Variants in DGKB observed in about 807,000 individuals in gnomAD.
The protein encoded by DGKB is diacylglycerol kinase beta.
In DGKB, 67 loss-of-function variants were observed where a neutral mutation model predicts 114.3. The ratio of observed to expected loss-of-function variants is 0.59; its 90% CI spans 0.48 to 0.72. The LOEUF (loss-of-function observed/expected upper bound fraction) is 0.72, where lower values mean the gene tolerates loss of function less well. DGKB is among the 30% of genes least tolerant of loss of function. The probability of loss-of-function intolerance (pLI) is 0.00; values close to 1 mark genes in which losing one functional copy is unlikely to be tolerated. For synonymous variants in DGKB, 398 were observed against 323.1 expected (o/e 1.23, Z -2.49); for missense variants, 907 against 975.2 (o/e 0.93, Z 0.93).
chr7:14,191,714 G>C (rs867442689), intron 23 of DGKB: 22 of 344,872 alleles, frequency 6.4e-5, no homozygotes, highest in Non-Finnish European at 8.9e-5. Context: ...GGATGTGCAC[G>C]TCAAAGATGT....
intron 1 of DGKB, among the ~76,000 whole-genome samples, chr7:14,879,495 G>T (rs1472481085): frequency 6.6e-6 from 1 of 152,094 alleles, no homozygotes; most frequent in Non-Finnish European, 1.5e-5. Context: ...AGTAAAACTT[G>T]CTTTCTATGT....
chr7:14,658,519 G>T (rs1023151427), intron 13 of DGKB, among the ~76,000 whole-genome samples: 1 of 151,782 alleles, frequency 6.6e-6, no homozygotes, highest in Non-Finnish European at 1.5e-5. Context: ...TAGTAGAGTA[G>T]AATGACGATA....
At chr7:14,161,889 C>T (rs10281549) in intron 25 of DGKB, among the ~76,000 whole-genome samples, 7,231 of 152,020 alleles carry the variant, frequency 0.048, 443 homozygotes, top group African/African-American at 0.14. Flanking sequence ...TCTGAATATT[C>T]GAGGAAATAA....
chr7:14,157,487 T>G (rs1783193117), intron 25 of DGKB, among the ~76,000 whole-genome samples: 1 of 152,054 alleles, frequency 6.6e-6, no homozygotes, highest in Admixed American at 6.6e-5. Flanking sequence ...TGTGAAGACT[T>G]AAAATAAAAT....
At chr7:14,444,557 T>C (rs923425171) in intron 21 of DGKB, among the ~76,000 whole-genome samples, 11 of 151,866 alleles carry the variant, frequency 7.2e-5, no homozygotes, top group African/African-American at 2.7e-4. Flanking sequence ...ATCTAGAATA[T>C]TTGGATAGTA....
At chr7:14,659,442 C>T (rs1327904928) in intron 13 of DGKB, among the ~76,000 whole-genome samples, 2 of 151,460 alleles carry the variant, frequency 1.3e-5, no homozygotes, top group African/African-American at 2.4e-5. Context: ...TGAAGAGGTC[C>T]TTCACATCCC....
intron 23 of DGKB, among the ~76,000 whole-genome samples, chr7:14,246,128 A>G (rs1319815620): frequency 1.3e-5 from 2 of 152,154 alleles, no homozygotes; most frequent in African/African-American, 2.4e-5. Context: ...TGCAATGTTC[A>G]TGAAAGCTTC....
rs1333316176 is a variant in DGKB, at chr7:14,333,646, GC to G, written c.2122+4868del. 2.0e-5 allele frequency among the ~76,000 whole-genome samples: 3 copies of G among 152,092 alleles called. No homozygotes were observed. The East Asian group carries it at 5.8e-4, about 29-fold the overall frequency. On this transcript the variant is annotated intron_variant, in intron 23 of 25. Coordinates refer to ENST00000402815, the MANE Select transcript of DGKB (RefSeq NM_001350709.2). ...AATAGTATGAATGTGTTGCTTCTCAGCCATGTTGAACCATTCTGTCTCCACT... is the reference window on the plus strand; with the variant it reads ...AATAGTATGAATGTGTTGCTTCTCAGCATGTTGAACCATTCTGTCTCCACT...
At chr7:14,838,535 C>A (rs1025737097) in intron 2 of DGKB, among the ~76,000 whole-genome samples, 2 of 151,832 alleles carry the variant, frequency 1.3e-5, no homozygotes, top group Non-Finnish European at 2.9e-5. Flanking sequence ...TCTCTCTCTT[C>A]CCCTCTCTCT....
intron 13 of DGKB, among the ~76,000 whole-genome samples, chr7:14,638,692 A>T (rs182224073): frequency 6.6e-6 from 1 of 152,286 alleles, no homozygotes; most frequent in Non-Finnish European, 1.5e-5. Context: ...TTCAAGTTCA[A>T]TTCCTGCTAT....
intron 21 of DGKB, among the ~76,000 whole-genome samples, chr7:14,452,152 T>C (rs1186218878): frequency 6.6e-6 from 1 of 152,102 alleles, no homozygotes; most frequent in African/African-American, 2.4e-5. Flanking sequence ...GAAAAGAACA[T>C]GCATGACATA....
At chr7:14,176,565 T>A in intron 25 of DGKB, 1 of 1,124,818 alleles carries the variant, frequency 8.9e-7, no homozygotes, top group Non-Finnish European at 1.1e-6. Context: ...GCTCCATAGT[T>A]TATAATTGAT....
At chr7:14,309,072 C>G (rs1447159655) in intron 23 of DGKB, among the ~76,000 whole-genome samples, 1 of 152,028 alleles carries the variant, frequency 6.6e-6, no homozygotes, top group Admixed American at 6.5e-5. Context: ...AAAAATTTAG[C>G]CAGTGTCATG....
intron 23 of DGKB, among the ~76,000 whole-genome samples, chr7:14,238,303 C>T (rs1468949506): frequency 6.6e-6 from 1 of 151,900 alleles, no homozygotes; most frequent in African/African-American, 2.4e-5. Flanking sequence ...TGGCAGTTTC[C>T]CCCTTCATTC....
chr7:14,693,045 T>C (rs1823157919), intron 9 of DGKB, among the ~76,000 whole-genome samples: 2 of 152,198 alleles, frequency 1.3e-5, no homozygotes, highest in African/African-American at 4.8e-5. Flanking sequence ...GAGAAATGAC[T>C]TTTAAAAATT....
chr7:14,496,925 T>C (rs964809239), intron 20 of DGKB, among the ~76,000 whole-genome samples: 3 of 151,786 alleles, frequency 2.0e-5, no homozygotes. Context: ...TCAAGGTCTA[T>C]ATTGAAGGAG....
intron 13 of DGKB, among the ~76,000 whole-genome samples, chr7:14,659,442 C>A: frequency 6.6e-6 from 1 of 151,460 alleles, no homozygotes; most frequent in Admixed American, 6.6e-5. Flanking sequence ...TGAAGAGGTC[C>A]TTCACATCCC....
chr7:14,702,621 C>G (rs1033433445), intron 6 of DGKB, among the ~76,000 whole-genome samples: 2 of 152,106 alleles, frequency 1.3e-5, no homozygotes, highest in Admixed American at 6.6e-5. Context: ...ATAGAGAAGA[C>G]AGACACAGCT....
At chr7:14,390,923 T>C (rs145894116) in intron 21 of DGKB, among the ~76,000 whole-genome samples, 2,227 of 152,340 alleles carry the variant, frequency 0.015, 28 homozygotes, top group South Asian at 0.045. Flanking sequence ...AGCTAGCCTA[T>C]GAAGCTGACT....
Sources: allele counts gnomAD v4.1 joint callset (sites outside exome capture counted in the v4.1 genomes callset), GRCh38; gene constraint gnomAD v4.1.1; transcripts MANE v1.5; gene names NCBI Gene and HGNC (gene_info 2026-07-23, HGNC 2026-07-21).